ENAH: variants seen among roughly 807,000 people sequenced by gnomAD.
ENAH encodes protein enabled homolog.
A neutral mutation model predicts 78.7 loss-of-function variants in ENAH; 23 were observed. The ratio of observed to expected loss-of-function variants is 0.29; its 90% confidence interval spans 0.21 to 0.41. The LOEUF is 0.41. Ranked by LOEUF, ENAH falls within the 10% of genes least tolerant of loss-of-function variation. The probability of loss-of-function intolerance (pLI) is 1.00; values close to 1 mark genes in which losing one functional copy is unlikely to be tolerated. For synonymous variants in ENAH, 226 were observed against 241.0 expected (o/e 0.94, Z 0.58); for missense variants, 544 against 691.0 (o/e 0.79, Z 2.39).
chr1:225,646,466 A>G (rs185846607), intron 1 of ENAH, among the ~76,000 whole-genome samples: 111 of 152,246 alleles, frequency 7.3e-4, no homozygotes, highest in African/African-American at 2.7e-3. Flanking sequence ...GAGAACCCTC[A>G]CCAAAACCCA....
At chr1:225,543,172 T>C (rs1267634207) in intron 3 of ENAH, among the ~76,000 whole-genome samples, 2 of 152,192 alleles carry the variant, frequency 1.3e-5, no homozygotes, top group African/African-American at 4.8e-5. Flanking sequence ...CAGAAGAGAC[T>C]GGAGACACAT....
At chr1:225,541,195 G>A (rs1225397968) in intron 3 of ENAH, among the ~76,000 whole-genome samples, 1 of 152,218 alleles carries the variant, frequency 6.6e-6, no homozygotes, top group Non-Finnish European at 1.5e-5. Context: ...AGCACTTTGG[G>A]AGGCCAAGGC....
chr1:225,616,601 A>G (rs74147616), intron 1 of ENAH, among the ~76,000 whole-genome samples: 2,085 of 152,190 alleles, frequency 0.014, 57 homozygotes, highest in African/African-American at 0.047. Context: ...TCTATATATA[A>G]AAATTGAAGA....
intron 1 of ENAH, among the ~76,000 whole-genome samples, chr1:225,579,439 GATTT>G (rs1472463204): frequency 6.6e-6 from 1 of 152,122 alleles, no homozygotes; most frequent in Non-Finnish European, 1.5e-5. Context: ...TAGAATATCA[GATTT>G]TTTTAAGGCA....
chr1:225,610,873 C>A (rs1191817281), intron 1 of ENAH, among the ~76,000 whole-genome samples: 5 of 152,270 alleles, frequency 3.3e-5, no homozygotes, highest in Non-Finnish European at 7.3e-5. Flanking sequence ...TGCAACCAAT[C>A]CAAATGTCCA....
intron 6 of ENAH, 142 bp downstream of exon 6, chr1:225,517,054 T>TAA (rs150663666): frequency 5.8e-5 from 28 of 483,974 alleles, no homozygotes; most frequent in Admixed American, 8.6e-5. Flanking sequence ...TTTTTTTAAT[T>TAA]AAAAAAAAAA....
At chr1:225,611,710 C>G (rs1429052451) in intron 1 of ENAH, among the ~76,000 whole-genome samples, 3 of 152,062 alleles carry the variant, frequency 2.0e-5, no homozygotes, top group Non-Finnish European at 4.4e-5. Context: ...TCAGCTGAGC[C>G]CAGGAGGTCA....
At chr1:225,645,005 T>C (rs1053519467) in intron 1 of ENAH, among the ~76,000 whole-genome samples, 1 of 152,160 alleles carries the variant, frequency 6.6e-6, no homozygotes, top group Non-Finnish European at 1.5e-5. Context: ...TGGCTGGCTG[T>C]CTCCTTAGCA....
chr1:225,608,548 G>A (rs1302096761), intron 1 of ENAH, among the ~76,000 whole-genome samples: 1 of 151,852 alleles, frequency 6.6e-6, no homozygotes, highest in Non-Finnish European at 1.5e-5. Context: ...AGGCACCGTG[G>A]CTCACGCCTG....
intron 1 of ENAH, among the ~76,000 whole-genome samples, chr1:225,578,844 T>C (rs1348545904): frequency 1.3e-5 from 2 of 152,184 alleles, no homozygotes; most frequent in Non-Finnish European, 2.9e-5. Context: ...TAGTCAGTTA[T>C]AAAGAATCCA....
At chr1:225,614,248 G>A (rs1172287532) in intron 1 of ENAH, among the ~76,000 whole-genome samples, 3 of 151,976 alleles carry the variant, frequency 2.0e-5, no homozygotes, top group Non-Finnish European at 4.4e-5. Context: ...TAGTAGAGAC[G>A]GGGTTTCCCC....
chr1:225,631,593 A>AG (rs1206464279), intron 1 of ENAH, among the ~76,000 whole-genome samples: 1 of 150,572 alleles, frequency 6.6e-6, no homozygotes, highest in African/African-American at 2.4e-5. Flanking sequence ...AAAAAAAAAA[A>AG]GGCATAAACT....
At chr1:225,620,874 G>A (rs1233940085) in intron 1 of ENAH, among the ~76,000 whole-genome samples, 8 of 151,986 alleles carry the variant, frequency 5.3e-5, no homozygotes, top group Admixed American at 2.0e-4. Flanking sequence ...GCATGGTGGC[G>A]GGCGCCTGTA....
chr1:225,625,095 A>G (rs772699918), intron 1 of ENAH, among the ~76,000 whole-genome samples: 2 of 152,244 alleles, frequency 1.3e-5, no homozygotes, highest in African/African-American at 2.4e-5. Context: ...TGAAAGCAGA[A>G]GAGCTGAGCG....
chr1:225,558,626 C>CCT (rs1286596382), intron 2 of ENAH, among the ~76,000 whole-genome samples: 17 of 95,460 alleles, frequency 1.8e-4, no homozygotes, highest in African/African-American at 7.6e-4. Flanking sequence ...TTAATTTCTG[C>CCT]CTTTTTTTTT....
intron 3 of ENAH, among the ~76,000 whole-genome samples, chr1:225,551,195 T>C (rs942954740): frequency 2.0e-5 from 3 of 152,216 alleles, no homozygotes; most frequent in Non-Finnish European, 2.9e-5. Flanking sequence ...TGTTAGAACA[T>C]GTGATTTGTG....
At chr1:225,570,189 A>T (rs1191631021) in intron 1 of ENAH, among the ~76,000 whole-genome samples, 2 of 146,794 alleles carry the variant, frequency 1.4e-5, no homozygotes, top group Non-Finnish European at 3.0e-5. Flanking sequence ...AAAAAAAAAT[A>T]CATTAGGCAC....
intron 1 of ENAH, among the ~76,000 whole-genome samples, chr1:225,597,655 C>CA (rs565567062): frequency 0.069 from 4,147 of 60,538 alleles, 142 homozygotes; most frequent in Middle Eastern, 0.11. Context: ...AAGAGCATCT[C>CA]AAAAAAAAAA....
At position 225,567,229 on chromosome 1, in the gene ENAH, C is replaced by A. The variant is rs2096739443; in HGVS notation, c.171+20G>T. ...TGTAATACTAAATCATTTTTAACAA[C>A]AATTGTAGTAAAGCCTTACCTGATG... is the stretch of plus-strand genomic sequence containing the variant. On this transcript the variant is annotated intron_variant, in intron 2 of 13. Coordinates refer to ENST00000366843, the MANE Select transcript of ENAH (RefSeq NM_018212.6). The A allele has an allele frequency of 2.5e-6, 4 of 1,605,596 alleles. No individual in the cohort carries two copies. Among genetic ancestry groups the A allele is most frequent in the Non-Finnish European group, 3.4e-6 (4 of 1,177,380 alleles).
Sources: gnomAD v4.1 joint callset for allele counts (sites outside exome capture counted in the v4.1 genomes callset) on GRCh38, gnomAD v4.1.1 for gene constraint, MANE v1.5 for transcripts, NCBI Gene and HGNC (gene_info 2026-07-23, HGNC 2026-07-21) for gene names.